The following PPA2 variants were observed in gnomAD, a reference collection of about 807,000 sequenced individuals.
The protein encoded by PPA2 is inorganic pyrophosphatase 2, mitochondrial.
Under a neutral mutation model 49.5 loss-of-function variants are expected in PPA2, and 48 were observed. That is an observed-to-expected ratio of 0.97 (90% CI 0.77 to 1.23). PPA2 has a LOEUF of 1.23. Among genes scored for constraint, PPA2 ranks in the 50% most tolerant of loss-of-function variants. The pLI is 0.00. For missense variants in PPA2, 429 were observed against 410.1 expected, an observed-to-expected ratio of 1.05 and a Z score of -0.40; for synonymous variants, 131 against 139.9, an observed-to-expected ratio of 0.94 and a Z score of 0.45.
intron 9 of PPA2, among the ~76,000 whole-genome samples, chr4:105,387,303 A>T (rs1287592546): frequency 2.0e-5 from 3 of 152,204 alleles, no homozygotes; most frequent in Non-Finnish European, 4.4e-5. Flanking sequence ...AAATTTCATC[A>T]CAGGAACAGG....
chr4:105,414,624 G>C (rs1469124126), intron 7 of PPA2, among the ~76,000 whole-genome samples: 1 of 152,222 alleles, frequency 6.6e-6, no homozygotes, highest in Non-Finnish European at 1.5e-5. Context: ...AAGAAGTGCA[G>C]AGCCCCAAAG....
At chr4:105,420,563 G>A (rs1001966484) in intron 7 of PPA2, among the ~76,000 whole-genome samples, 8 of 152,080 alleles carry the variant, frequency 5.3e-5, no homozygotes, top group Admixed American at 6.5e-5. Flanking sequence ...AATTTCTCTC[G>A]TTTATCTGAC....
chr4:105,446,432 T>C lies in PPA2; in HGVS notation c.392A>G (p.Asn131Ser), dbSNP rs1312258197. The change falls in exon 5 of 12, where the codon AAT becomes AGT. Residue 131 changes from asparagine to serine, a missense_variant. Transcript: ENST00000341695. ...TATATAACCCTTGTAAGGGAAGATA[T>C]TCGCCACATAGCGTAGCTTTCCATC... ...VKDGKLRYVA[N>S]IFPYKGYIWN... 1 of 1,606,720 alleles carries C rather than the reference T, an allele frequency of 6.2e-7. No individual in the cohort carries two copies. Among genetic ancestry groups the C allele is most frequent in the South Asian group, 1.1e-5 (1 of 89,126 alleles).
At chr4:105,420,668 C>A (rs2636713) in intron 7 of PPA2, among the ~76,000 whole-genome samples, 1 of 132,530 alleles carries the variant, frequency 7.5e-6, no homozygotes, top group Non-Finnish European at 1.7e-5. Flanking sequence ...TCAATTTATA[C>A]ACAGCAATTT....
intron 5 of PPA2, among the ~76,000 whole-genome samples, chr4:105,443,560 A>C (rs749331074): frequency 1.3e-5 from 2 of 151,700 alleles, no homozygotes; most frequent in Non-Finnish European, 2.9e-5. Context: ...TCTTTGATAA[A>C]TAACTAACTT....
At chr4:105,373,687 A>G (rs977736853) in intron 10 of PPA2, among the ~76,000 whole-genome samples, 1 of 151,978 alleles carries the variant, frequency 6.6e-6, no homozygotes. Flanking sequence ...GAATGGTTTT[A>G]TTTCTTCATT....
chr4:105,442,768 T>C (rs1297910127), intron 5 of PPA2, among the ~76,000 whole-genome samples: 3 of 152,310 alleles, frequency 2.0e-5, no homozygotes, highest in African/African-American at 7.2e-5. Flanking sequence ...GCTAAGTGGA[T>C]AGACTACTAC....
chr4:105,444,897 C>T (rs1208007386), intron 5 of PPA2, among the ~76,000 whole-genome samples: 1 of 152,094 alleles, frequency 6.6e-6, no homozygotes, highest in East Asian at 1.9e-4. Context: ...AATGCAGTAA[C>T]TCATTTAATC....
At chr4:105,387,234 A>G (rs1733719779) in intron 9 of PPA2, among the ~76,000 whole-genome samples, 1 of 152,040 alleles carries the variant, frequency 6.6e-6, no homozygotes, top group Non-Finnish European at 1.5e-5. Context: ...ACATACTGCC[A>G]CTCTCTAGAT....
intron 10 of PPA2, among the ~76,000 whole-genome samples, chr4:105,378,015 G>A (rs1467119228): frequency 6.6e-6 from 1 of 152,078 alleles, no homozygotes; most frequent in Non-Finnish European, 1.5e-5. Flanking sequence ...ACAAGTCTTT[G>A]TATGGACATA....
intron 9 of PPA2, among the ~76,000 whole-genome samples, chr4:105,387,808 G>A (rs1733744939): frequency 6.6e-6 from 1 of 152,024 alleles, no homozygotes; most frequent in African/African-American, 2.4e-5. Flanking sequence ...CTTTTCTACA[G>A]CTCATGTTTA....
chr4:105,431,382 T>TA (rs1310831344), intron 6 of PPA2, among the ~76,000 whole-genome samples: 1 of 152,156 alleles, frequency 6.6e-6, no homozygotes, highest in African/African-American at 2.4e-5. Flanking sequence ...TTGTTTTAAT[T>TA]AAAAAAATCA....
At chr4:105,440,649 T>C (rs1457062986) in intron 5 of PPA2, among the ~76,000 whole-genome samples, 1 of 152,230 alleles carries the variant, frequency 6.6e-6, no homozygotes, top group East Asian at 1.9e-4. Flanking sequence ...CCAGTGAACA[T>C]GAAGCCCACA....
At chr4:105,426,705 G>C (rs1249812095) in intron 6 of PPA2, among the ~76,000 whole-genome samples, 2 of 152,200 alleles carry the variant, frequency 1.3e-5, no homozygotes, top group African/African-American at 4.8e-5. Flanking sequence ...GCAGGGAAGT[G>C]TGAACTGGGC....
rs1381130650 is a variant in PPA2, at chr4:105,422,030, G to C, written c.655+2166C>G. Among the ~76,000 whole-genome samples, 6 of 149,010 alleles carry C rather than the reference G, an allele frequency of 4.0e-5. No individual in the cohort carries two copies. In the East Asian group the frequency reaches 5.8e-4, roughly 14 times the overall value. On this transcript the variant is annotated intron_variant, in intron 7 of 11. Transcript: ENST00000341695. Reference sequence around the variant, plus strand: ...TGCACTCCATCATGGAAGGCAGAGAGAGACTGCCTCAAAAAAAAACTACCA... The same window carrying C: ...TGCACTCCATCATGGAAGGCAGAGACAGACTGCCTCAAAAAAAAACTACCA...
intron 10 of PPA2, among the ~76,000 whole-genome samples, chr4:105,375,300 GA>G (rs904949932): frequency 5.3e-5 from 8 of 151,852 alleles, no homozygotes; most frequent in Admixed American, 1.3e-4. Flanking sequence ...AAAAGAGAAA[GA>G]AGAGGGAGAA....
chr4:105,461,404 A>G (rs1723086674), intron 1 of PPA2, among the ~76,000 whole-genome samples: 1 of 152,236 alleles, frequency 6.6e-6, no homozygotes, highest in Non-Finnish European at 1.5e-5. Context: ...CACTCTTATC[A>G]GGAGGGAACG....
intron 1 of PPA2, among the ~76,000 whole-genome samples, chr4:105,469,985 T>C (rs900017706): frequency 1.3e-5 from 2 of 152,180 alleles, no homozygotes; most frequent in African/African-American, 2.4e-5. Flanking sequence ...TTACTATAAG[T>C]GACAAAGCAA....
At chr4:105,407,119 C>T (rs1722515739) in intron 7 of PPA2, 1 of 130,916 alleles carries the variant, frequency 7.6e-6, no homozygotes, top group African/African-American at 2.9e-5. Flanking sequence ...GAAAATTCGC[C>T]ACCAGCAGGA....
Sources: allele counts gnomAD v4.1 joint callset (sites outside exome capture counted in the v4.1 genomes callset), GRCh38; gene constraint gnomAD v4.1.1; transcripts MANE v1.5; gene names NCBI Gene and HGNC (gene_info 2026-07-23, HGNC 2026-07-21).